Variants in SCMH1 observed in about 807,000 individuals in gnomAD.
SCMH1 encodes polycomb protein SCMH1.
SCMH1 carries 37 observed loss-of-function variants against 70.8 expected under a neutral mutation model. The observed-to-expected ratio is 0.52, with a 90% CI of 0.40 to 0.69. The LOEUF is 0.69. Among genes scored for constraint, SCMH1 ranks in the 30% least tolerant of loss-of-function variants. The pLI, the probability that SCMH1 is intolerant of heterozygous loss-of-function variation, is 0.00. For synonymous variants in SCMH1, 292 were observed against 307.4 expected (o/e 0.95, Z 0.52); for missense variants, 607 against 827.3 (o/e 0.73, Z 3.27).
intron 10 of SCMH1, among the ~76,000 whole-genome samples, chr1:41,055,272 A>T (rs1649814650): frequency 6.6e-6 from 1 of 152,216 alleles, no homozygotes; most frequent in South Asian, 2.1e-4. Context: ...GATAAAACCA[A>T]GATCCATGGA....
intron 1 of SCMH1, among the ~76,000 whole-genome samples, chr1:41,233,995 T>C (rs1661809103): frequency 6.6e-6 from 1 of 152,186 alleles, no homozygotes; most frequent in Admixed American, 6.5e-5. Flanking sequence ...TGTTCCTTAG[T>C]CTCTTCCTCT....
At position 41,167,981 on chromosome 1, in the gene SCMH1, CT is replaced by C. The variant is rs1433011820; in HGVS notation, c.14-6550del. ...TACTCTCTTCTGATCTGTAAGGTTT[CT>C]GCTGTGAAATCCACTGCTGGCCTTA... On this transcript the variant is annotated intron_variant, in intron 2 of 14. Coordinates refer to ENST00000337495, the Ensembl canonical transcript of SCMH1. Among the ~76,000 whole-genome samples the C allele has an allele frequency of 1.1e-4, 14 of 125,172 alleles. No individual in the cohort carries two copies. In the Admixed American group the frequency reaches 1.4e-3, roughly 13 times the overall value. 82.1% of individuals were successfully genotyped at this position (125,172 alleles called of 152,430 possible). A position where few individuals can be genotyped will look rare whatever the true frequency, so the allele number is the denominator to read the frequency against.
intron 6 of SCMH1, among the ~76,000 whole-genome samples, chr1:41,135,681 A>G (rs1643185725): frequency 6.6e-6 from 1 of 152,206 alleles, no homozygotes; most frequent in African/African-American, 2.4e-5. Flanking sequence ...GTTACAATTA[A>G]ATACAATTTA....
At chr1:41,237,035 T>C (rs895156704) in intron 1 of SCMH1, among the ~76,000 whole-genome samples, 4 of 152,232 alleles carry the variant, frequency 2.6e-5, no homozygotes, top group Non-Finnish European at 5.9e-5. Context: ...GTGCCTGATA[T>C]GTGACCAACA....
chr1:41,168,386 C>T (rs146057919), intron 2 of SCMH1, among the ~76,000 whole-genome samples: 4 of 152,010 alleles, frequency 2.6e-5, no homozygotes, highest in East Asian at 1.9e-4. Flanking sequence ...TTGATTTCAT[C>T]GATCCTTTCT....
chr1:41,151,742 G>T, intron 4 of SCMH1, 58 bp from the exon 5 acceptor site: 2 of 1,246,064 alleles, frequency 1.6e-6, no homozygotes, highest in Non-Finnish European at 2.3e-6. Flanking sequence ...ATGTTTTCAG[G>T]GTATAATCTA....
intron 10 of SCMH1, among the ~76,000 whole-genome samples, chr1:41,049,372 T>C (rs575150831): frequency 2.0e-5 from 3 of 151,976 alleles, no homozygotes; most frequent in Admixed American, 6.6e-5. Context: ...CCATTGATCA[T>C]TTGCCTTGCT....
At chr1:41,074,657 A>T (rs1657641544) in intron 9 of SCMH1, among the ~76,000 whole-genome samples, 1 of 152,252 alleles carries the variant, frequency 6.6e-6, no homozygotes, top group Non-Finnish European at 1.5e-5. Flanking sequence ...ACACTAGACC[A>T]GAATCTCCTC....
intron 2 of SCMH1, 76 bp from the exon 3 acceptor site, chr1:41,161,508 T>TTAACA: frequency 6.9e-7 from 1 of 1,440,604 alleles, no homozygotes; most frequent in Middle Eastern, 2.3e-4. Context: ...GCAGTATGTA[T>TTAACA]TAACAGTTTT....
chr1:41,157,968 A>C (rs937948424), intron 4 of SCMH1, among the ~76,000 whole-genome samples: 1 of 152,224 alleles, frequency 6.6e-6, no homozygotes, highest in Non-Finnish European at 1.5e-5. Flanking sequence ...TTCTGAGTGA[A>C]TGAAAAGAAG....
chr1:41,155,371 G>A (rs1473605068), intron 4 of SCMH1, among the ~76,000 whole-genome samples: 2 of 152,058 alleles, frequency 1.3e-5, no homozygotes, highest in African/African-American at 4.8e-5. Context: ...AGGCACTGGT[G>A]ATATATAGCA....
chr1:41,051,939 C>T (rs934974411), intron 10 of SCMH1, among the ~76,000 whole-genome samples: 1 of 152,230 alleles, frequency 6.6e-6, no homozygotes, highest in Admixed American at 6.5e-5. Flanking sequence ...TCATTCACCA[C>T]TCACTCAGAG....
chr1:41,060,653 TTC>T (rs1053725274), intron 10 of SCMH1, among the ~76,000 whole-genome samples: 1 of 152,036 alleles, frequency 6.6e-6, no homozygotes, highest in Non-Finnish European at 1.5e-5. Context: ...TTAAATTTCT[TTC>T]TTTTTTTGAG....
intron 10 of SCMH1, among the ~76,000 whole-genome samples, chr1:41,055,714 C>T (rs1366103680): frequency 2.0e-5 from 3 of 152,212 alleles, no homozygotes; most frequent in Non-Finnish European, 2.9e-5. Flanking sequence ...AATGTTACCT[C>T]GTGTCTGTTG....
At chr1:41,154,957 CAATA>C (rs1241090571) in intron 4 of SCMH1, among the ~76,000 whole-genome samples, 2 of 151,982 alleles carry the variant, frequency 1.3e-5, no homozygotes, top group Non-Finnish European at 2.9e-5. Context: ...AACACATAAA[CAATA>C]AATAAACAAG....
intron 1 of SCMH1, among the ~76,000 whole-genome samples, chr1:41,216,820 G>GT (rs1255283385): frequency 6.6e-6 from 1 of 152,152 alleles, no homozygotes; most frequent in Non-Finnish European, 1.5e-5. Flanking sequence ...CAGGGCTGCT[G>GT]TAACAAAGTA....
chr1:41,203,282 A>G (rs147977887), intron 1 of SCMH1, among the ~76,000 whole-genome samples: 2 of 152,288 alleles, frequency 1.3e-5, no homozygotes, highest in East Asian at 3.9e-4. Flanking sequence ...AAATTCACAT[A>G]TCCAAATTGT....
At chr1:41,108,041 C>A (rs1295766992) in intron 8 of SCMH1, among the ~76,000 whole-genome samples, 1 of 152,040 alleles carries the variant, frequency 6.6e-6, no homozygotes, top group Non-Finnish European at 1.5e-5. Context: ...ATGTTGAGTC[C>A]GATTTTGAAA....
chr1:41,151,443 A>C (rs1209583548), intron 5 of SCMH1, among the ~76,000 whole-genome samples, 171 bp downstream of exon 5: 1 of 152,246 alleles, frequency 6.6e-6, no homozygotes, highest in African/African-American at 2.4e-5. Flanking sequence ...GTCTGCTGCC[A>C]AAACTCACAG....
Sources: gnomAD v4.1 joint callset for allele counts (sites outside exome capture counted in the v4.1 genomes callset) on GRCh38, gnomAD v4.1.1 for gene constraint, MANE v1.5 for transcripts, NCBI Gene and HGNC (gene_info 2026-07-23, HGNC 2026-07-21) for gene names.